The following EXOC5 variants were observed in gnomAD, a reference collection of about 807,000 sequenced individuals.
EXOC5 encodes the protein exocyst complex component 5, also known as SEC10-like 1.
EXOC5 carries 17 observed loss-of-function variants against 90.8 expected under a neutral mutation model. That is an observed-to-expected ratio of 0.19 (90% confidence interval 0.13 to 0.28). The LOEUF (loss-of-function observed/expected upper bound fraction) is 0.28, where lower values mean the gene tolerates loss of function less well. Ranked by LOEUF, EXOC5 falls within the 10% of genes least tolerant of loss-of-function variation. EXOC5 has a pLI of 1.00. For synonymous variants in EXOC5, 260 were observed against 270.0 expected (o/e 0.96, Z 0.36); for missense variants, 569 against 830.6 (o/e 0.69, Z 3.87).
rs1271835150 is a variant in EXOC5, at chr14:57,209,614, C to T, written c.1891G>A (p.Ala631Thr). 5.0e-6 allele frequency: 8 copies of T among 1,613,172 alleles called. No homozygotes were observed. The African/African-American group carries it at 1.1e-4, about 22-fold the overall frequency. Reference protein sequence around the residue: ...YSYSCMGGMLAICDVAEYRKC... With the variant: ...YSYSCMGGMLTICDVAEYRKC... ...CTATATTCGGCTACATCACAAATGG[C>T]CAACATGCCACCCATACAACTGTAG... The change falls in exon 17 of 18, where the codon GCC (alanine) becomes ACC (threonine). Residue 631 changes from alanine to threonine, a missense_variant. Physicochemically the swap from Ala to Thr is moderately conservative, Grantham distance 58. Around this residue, in one of 9 missense-constraint regions of EXOC5, gnomAD observed 122 missense variants for 180.0 expected, o/e 0.68. Coordinates refer to ENST00000621441, the MANE Select transcript of EXOC5 (RefSeq NM_006544.4).
chr14:57,210,885 C>T (rs1308404355), intron 15 of EXOC5, among the ~76,000 whole-genome samples: 1 of 152,148 alleles, frequency 6.6e-6, no homozygotes, highest in Non-Finnish European at 1.5e-5. Flanking sequence ...TTTCAGTCTC[C>T]ACCTACCATG....
intron 12 of EXOC5, among the ~76,000 whole-genome samples, chr14:57,226,674 C>G (rs915356075): frequency 1.3e-5 from 2 of 152,152 alleles, no homozygotes; most frequent in African/African-American, 4.8e-5. Context: ...AGTCCAGAAA[C>G]AGACCCACAT....
chr14:57,224,916 G>C (rs184454009), intron 12 of EXOC5, among the ~76,000 whole-genome samples: 450 of 152,184 alleles, frequency 3.0e-3, no homozygotes, highest in African/African-American at 9.4e-3. Context: ...ACAAAACTCA[G>C]CCGGGCATGG....
intron 12 of EXOC5, among the ~76,000 whole-genome samples, chr14:57,224,137 C>A (rs551715395): frequency 4.1e-4 from 63 of 152,008 alleles, no homozygotes; most frequent in African/African-American, 1.5e-3. Context: ...TCAATGACCT[C>A]AGCTTCCACC....
At position 57,215,979 on chromosome 14, in the gene EXOC5, A is replaced by G. The variant is rs1882959656; in HGVS notation, c.1613+2003T>C. On this transcript the variant is annotated intron_variant, in intron 15 of 17. Transcript: ENST00000621441. ...TAATAAACAAATTCAGTAAAGTTGC[A>G]AGACAGAAAATCATCATACAAAAAT... Among the ~76,000 whole-genome samples, 3 of 152,170 alleles carry G rather than the reference A, an allele frequency of 2.0e-5. No homozygotes were observed. The South Asian group carries it at 6.2e-4, about 32-fold the overall frequency.
intron 1 of EXOC5, among the ~76,000 whole-genome samples, chr14:57,257,606 A>G (rs1884389258): frequency 6.6e-6 from 1 of 152,178 alleles, no homozygotes; most frequent in Admixed American, 6.5e-5. Context: ...CCTCAGAGAC[A>G]AATTATCACA....
intron 14 of EXOC5, among the ~76,000 whole-genome samples, chr14:57,218,624 C>A (rs1883038642): frequency 6.6e-6 from 1 of 152,028 alleles, no homozygotes; most frequent in African/African-American, 2.4e-5. Flanking sequence ...TGCTTTGTGG[C>A]ATAACAGCTC....
chr14:57,235,949 G>C, intron 6 of EXOC5, 129 bp from the exon 7 acceptor site: 1 of 611,946 alleles, frequency 1.6e-6, no homozygotes, highest in Admixed American at 2.6e-5. Flanking sequence ...AAAAACAAAT[G>C]AGATTATAGG....
At chr14:57,237,551 C>T in intron 5 of EXOC5, 185 bp from the exon 6 acceptor site, 1 of 477,904 alleles carries the variant, frequency 2.1e-6, no homozygotes. Flanking sequence ...AGAAAAAAGA[C>T]AAAATCAGAG....
intron 15 of EXOC5, among the ~76,000 whole-genome samples, chr14:57,214,389 A>G (rs1220218194): frequency 6.6e-6 from 1 of 152,110 alleles, no homozygotes; most frequent in Non-Finnish European, 1.5e-5. Context: ...TAATGTCAGC[A>G]CTCAAAAAAT....
intron 13 of EXOC5, among the ~76,000 whole-genome samples, chr14:57,220,506 C>G (rs1431576448): frequency 1.3e-5 from 2 of 151,980 alleles, no homozygotes; most frequent in Admixed American, 6.6e-5. Context: ...GCATAAGTTA[C>G]TGGGAAAAGA....
At chr14:57,242,359 C>T (rs1594671815) in intron 4 of EXOC5, among the ~76,000 whole-genome samples, 1 of 151,828 alleles carries the variant, frequency 6.6e-6, no homozygotes, top group East Asian at 2.0e-4. Flanking sequence ...ATCCTCCTGC[C>T]TCAGCCTCCT....
In EXOC5 at chr14:57,204,513, C is replaced by T. The variant is rs1190359286; in HGVS notation, c.*4096G>A. The stretch of plus-strand genomic sequence containing the variant: ...CTACCAATGTACTAAATAGTTAACA[C>T]AATTGGCAAGCCTATGACATTTAAA... On this transcript the variant is annotated 3_prime_UTR_variant, in exon 18 of 18. Coordinates refer to ENST00000621441, the MANE Select transcript of EXOC5 (RefSeq NM_006544.4). 2 of 152,252 alleles carry T rather than the reference C, an allele frequency of 1.3e-5. No homozygotes were observed. The highest frequency in any genetic ancestry group is 3.8e-4 in the East Asian group (2 of 5,198). The allele number at this position is 152,252 out of a possible 1,614,324, so 9.4% of individuals were successfully genotyped here. A position where few individuals can be genotyped will look rare whatever the true frequency, so the allele number is the denominator to read the frequency against.
At chr14:57,263,116 G>C (rs1884565085) in intron 1 of EXOC5, among the ~76,000 whole-genome samples, 2 of 152,072 alleles carry the variant, frequency 1.3e-5, no homozygotes, top group Non-Finnish European at 2.9e-5. Flanking sequence ...CTGTCTCCCT[G>C]ACCCTTACCC....
At chr14:57,238,414 T>TCACACACA (rs1286800929) in intron 5 of EXOC5, among the ~76,000 whole-genome samples, 2 of 87,652 alleles carry the variant, frequency 2.3e-5, no homozygotes, top group Admixed American at 1.1e-4. Context: ...ACACACATAT[T>TCACACACA]CATATTCATA....
chr14:57,224,427 A>AG (rs1485712657), intron 12 of EXOC5, among the ~76,000 whole-genome samples: 1 of 152,250 alleles, frequency 6.6e-6, no homozygotes, highest in African/African-American at 2.4e-5. Flanking sequence ...TAAAAGGATA[A>AG]GAAAATATCA....
At chr14:57,210,625 A>T (rs1882801095) in intron 15 of EXOC5, among the ~76,000 whole-genome samples, 1 of 152,188 alleles carries the variant, frequency 6.6e-6, no homozygotes, top group African/African-American at 2.4e-5. Flanking sequence ...GAAAGCAAAG[A>T]TGTCACTATC....
chr14:57,263,812 G>A (rs1884590211), intron 1 of EXOC5, among the ~76,000 whole-genome samples: 1 of 147,734 alleles, frequency 6.8e-6, no homozygotes, highest in Admixed American at 6.8e-5. Context: ...TCAATGCCTT[G>A]CCACCACTCC....
At chr14:57,266,329 G>T (rs1884668266) in intron 1 of EXOC5, among the ~76,000 whole-genome samples, 1 of 152,146 alleles carries the variant, frequency 6.6e-6, no homozygotes. Flanking sequence ...GCAGTGACAG[G>T]ATTTTTTTTC....
Sources: allele counts gnomAD v4.1 joint callset (sites outside exome capture counted in the v4.1 genomes callset), GRCh38; gene constraint gnomAD v4.1.1; regional missense constraint gnomAD v4.1.1; transcripts MANE v1.5; gene names NCBI Gene and HGNC (gene_info 2026-07-23, HGNC 2026-07-21).